The following XDH variants were observed in gnomAD, a reference collection of about 807,000 sequenced individuals.
XDH encodes the protein xanthine dehydrogenase.
In XDH, 138 loss-of-function variants were observed where a neutral mutation model predicts 156.1. That is an observed-to-expected ratio of 0.88 (90% CI 0.77 to 1.02). The LOEUF is 1.02. XDH is among the 50% of genes least tolerant of loss of function. The pLI, the probability that XDH is intolerant of heterozygous loss-of-function variation, is 0.00. For synonymous variants in XDH, 669 were observed against 625.7 expected (o/e 1.07, Z -1.03); for missense variants, 1,849 against 1,684.9 (o/e 1.10, Z -1.71).
Position 31,366,210 on chromosome 2 carries a change from G to A in XDH, c.2323-101C>T. ...AACATGCATGGACCTAATTACTGCTGCGAATTCTGAAATTCCTTGATTGAA... is the reference window on the plus strand; with the variant it reads ...AACATGCATGGACCTAATTACTGCTACGAATTCTGAAATTCCTTGATTGAA... On this transcript the variant is annotated intron_variant, in intron 21 of 35. Transcript: ENST00000379416. 2.5e-6 allele frequency: 4 copies of A among 1,589,448 alleles called. No individual in the cohort carries two copies. The South Asian group carries it at 3.3e-5, about 13-fold the overall frequency.
intron 28 of XDH, among the ~76,000 whole-genome samples, chr2:31,348,011 C>T (rs1247845990): frequency 6.6e-6 from 1 of 152,228 alleles, no homozygotes. Flanking sequence ...GACCTTTACA[C>T]ACAGAGCATG....
Position 31,386,430 on chromosome 2 carries a change from C to T in XDH, c.777G>A (p.Val259=), listed in dbSNP as rs755180868. 3.1e-6 allele frequency: 5 copies of T among 1,613,568 alleles called. No homozygotes were observed. In the East Asian group the frequency reaches 8.9e-5, roughly 29 times the overall value. ...GGCCCTTACCAATCTCCGTGTTCCC[C>T]ACGACCAGCTTGGCGTCAGGGTGCT... ...KAQHPDAKLV[V]GNTEIGIEMK... is the part of the protein sequence containing the mutation. Residue 259 remains valine, a synonymous_variant, in exon 9 of 36, where the codon GTG becomes GTA. Transcript: ENST00000379416.
chr2:31,352,242 T>C (rs1685502684), intron 24 of XDH, among the ~76,000 whole-genome samples: 1 of 152,208 alleles, frequency 6.6e-6, no homozygotes, highest in Admixed American at 6.5e-5. Context: ...TGTCAAGTCA[T>C]GAGAGCTCAT....
chr2:31,358,840 T>C (rs1579464), intron 24 of XDH, among the ~76,000 whole-genome samples: 50,981 of 151,924 alleles, frequency 0.34, 10,317 homozygotes, highest in African/African-American at 0.56. Flanking sequence ...AGACTGGATG[T>C]CTTCCCCTTA....
chr2:31,345,393 C>T (rs1298926926), intron 30 of XDH, among the ~76,000 whole-genome samples: 1 of 152,194 alleles, frequency 6.6e-6, no homozygotes, highest in Non-Finnish European at 1.5e-5. Context: ...ACTATCCCTC[C>T]ATCCTATCCC....
chr2:31,354,995 C>A (rs1685587314), intron 24 of XDH, among the ~76,000 whole-genome samples: 1 of 152,148 alleles, frequency 6.6e-6, no homozygotes, highest in Non-Finnish European at 1.5e-5. Context: ...CATAATTAAA[C>A]TTCTGAAAAC....
At chr2:31,364,106 G>A (rs1181143832) in intron 24 of XDH, 52 bp downstream of exon 24, 2 of 1,588,470 alleles carry the variant, frequency 1.3e-6, no homozygotes, top group Non-Finnish European at 8.6e-7. Context: ...GTGGGAACAG[G>A]CTGACCTCGA....
Position 31,389,843 on chromosome 2 carries a change from TA to T in XDH, c.496-1549del, listed in dbSNP as rs898164517. Among the ~76,000 whole-genome samples the T allele has an allele frequency of 1.4e-3, 214 of 150,954 alleles. 2 individuals are homozygous for T. The highest frequency in any genetic ancestry group is 0.01 in the East Asian group (52 of 5,142). On this transcript the variant is annotated intron_variant, in intron 6 of 35. Transcript: ENST00000379416. The stretch of plus-strand genomic sequence containing the variant: ...GCTAAGGCTTCTGCACTGGTGCCTT[TA>T]AAAAAAAAAGTTTTTTTTTTAGAGT...
chr2:31,351,363 G>T (rs541993068), intron 24 of XDH, among the ~76,000 whole-genome samples: 13 of 151,966 alleles, frequency 8.6e-5, no homozygotes, highest in Admixed American at 4.6e-4. Flanking sequence ...CTAAAAATCT[G>T]CTCCTAATAT....
chr2:31,364,974 G>A (rs966699782), intron 23 of XDH, among the ~76,000 whole-genome samples: 6 of 152,192 alleles, frequency 3.9e-5, no homozygotes, highest in African/African-American at 1.4e-4. Flanking sequence ...AAACCCAGAA[G>A]AGGGACTGTC....
chr2:31,402,234 A>G (rs1048572423), intron 3 of XDH, among the ~76,000 whole-genome samples: 2 of 152,226 alleles, frequency 1.3e-5, no homozygotes, highest in African/African-American at 4.8e-5. Flanking sequence ...GGGACTTTCC[A>G]GTGGGATAGA....
At chr2:31,355,768 C>A (rs1250382099) in intron 24 of XDH, among the ~76,000 whole-genome samples, 1 of 152,048 alleles carries the variant, frequency 6.6e-6, no homozygotes, top group Non-Finnish European at 1.5e-5. Context: ...CAGTCTTATG[C>A]CTCAACACAT....
In XDH at chr2:31,414,695, G is replaced by C. The variant is rs754137200; in HGVS notation, c.-29C>G. 5 of 1,613,910 alleles carry C rather than the reference G, an allele frequency of 3.1e-6. No homozygotes were observed. In the East Asian group the frequency reaches 8.9e-5, roughly 29 times the overall value. ...CACAGGTTGGGGTCCCCGAACTCCA[G>C]GTACCTCACTCCTAAGAGACACTGG... On this transcript the variant is annotated 5_prime_UTR_variant, in exon 1 of 36. Coordinates refer to ENST00000379416, the MANE Select transcript of XDH (RefSeq NM_000379.4).
At position 31,386,488 on chromosome 2, in the gene XDH, G is replaced by C; in HGVS notation, c.719C>G (p.Ser240Ter). 3 of 1,614,140 alleles carry C rather than the reference G, an allele frequency of 1.9e-6. No individual in the cohort carries two copies. Among genetic ancestry groups the C allele is most frequent in the Non-Finnish European group, 2.5e-6 (3 of 1,180,030 alleles). Reference protein sequence around the residue: ...EGERVTWIQASTLKELLDLKA... With the variant: ...EGERVTWIQA ...GAGGTCCAGCAGCTCCTTGAGGGTT[G>C]AGGCCTGTATCCACGTCACACGCTC... The change falls in exon 9 of 36, where the codon TCA (serine) becomes TGA (stop). Residue 240 changes from serine to a stop codon, truncating the protein, a stop_gained. Transcript: ENST00000379416. LOFTEE classifies it high-confidence loss of function.
At chr2:31,393,689 G>T (rs1031811996) in intron 6 of XDH, among the ~76,000 whole-genome samples, 17 of 151,174 alleles carry the variant, frequency 1.1e-4, no homozygotes, top group Non-Finnish European at 2.1e-4. Context: ...CTTATTCTTT[G>T]TTTCTAGTTT....
At chr2:31,342,019 T>G (rs1035254323) in intron 32 of XDH, among the ~76,000 whole-genome samples, 164 bp downstream of exon 32, 3 of 152,190 alleles carry the variant, frequency 2.0e-5, no homozygotes, top group Non-Finnish European at 4.4e-5. Context: ...GCCCACGAAG[T>G]CTAAAACACT....
At chr2:31,384,156 T>TG (rs1572552142) in intron 9 of XDH, 20 of 62,250 alleles carry the variant, frequency 3.2e-4, no homozygotes, top group Non-Finnish European at 3.5e-4. Flanking sequence ...GTGTGTGTGT[T>TG]TGTGTACATT....
rs186065299 is a variant in XDH, at chr2:31,348,218, T to C, written c.3147+50A>G. 1,090 of 1,588,662 alleles carry C rather than the reference T, an allele frequency of 6.9e-4. 1 individual carries two copies. The highest frequency in any genetic ancestry group is 6.4e-4 in the Non-Finnish European group (745 of 1,158,758). On this transcript the variant is annotated intron_variant, in intron 28 of 35. Transcript: ENST00000379416. ...ATAGGTCCCACTGCTCAATTTCTTA[T>C]ACCACTTCCTCTAACAACGGACACA... is the stretch of plus-strand genomic sequence containing the variant.
intron 24 of XDH, among the ~76,000 whole-genome samples, chr2:31,357,557 G>A (rs1361046073): frequency 6.6e-6 from 1 of 152,038 alleles, no homozygotes; most frequent in Non-Finnish European, 1.5e-5. Flanking sequence ...GGGGAGGGTA[G>A]GGGGACAGAG....
Sources: allele counts gnomAD v4.1 joint callset (sites outside exome capture counted in the v4.1 genomes callset), GRCh38; gene constraint gnomAD v4.1.1; transcripts MANE v1.5; gene names NCBI Gene and HGNC (gene_info 2026-07-23, HGNC 2026-07-21).